Variants in PIGU observed in about 807,000 individuals in gnomAD.
PIGU encodes phosphatidylinositol glycan anchor biosynthesis class U, also known as GPI-anchor transamidase component PIGU.
Under a neutral mutation model 49.9 loss-of-function variants are expected in PIGU, and 24 were observed. The observed-to-expected ratio is 0.48, with a 90% CI of 0.35 to 0.68. The LOEUF (loss-of-function observed/expected upper bound fraction) is 0.68, where lower values mean the gene tolerates loss of function less well. Ranked by LOEUF, PIGU falls within the 30% of genes least tolerant of loss-of-function variation. The probability of loss-of-function intolerance (pLI) is 0.01; values close to 1 mark genes in which losing one functional copy is unlikely to be tolerated. For missense variants in PIGU, 490 were observed against 532.6 expected (o/e 0.92, Z 0.79); for synonymous variants, 220 against 205.7 (o/e 1.07, Z -0.59).
At chr20:34,659,096 C>T (rs866378505) in intron 1 of PIGU, among the ~76,000 whole-genome samples, 272 of 140,492 alleles carry the variant, frequency 1.9e-3, no homozygotes, top group African/African-American at 4.7e-3. Flanking sequence ...GCCCCCCACC[C>T]GGCCAGCCGC....
intron 10 of PIGU, 93 bp downstream of exon 10, chr20:34,581,455 T>C (rs1568624658): frequency 2.0e-6 from 3 of 1,491,464 alleles, no homozygotes; most frequent in Non-Finnish European, 2.7e-6. Flanking sequence ...GCATAACAGG[T>C]GCCTGGTAAA....
At chr20:34,650,700 C>CTCTTTTTTTTTTTTTTTTTT (rs1986509194) in intron 2 of PIGU, among the ~76,000 whole-genome samples, 1 of 38,778 alleles carries the variant, frequency 2.6e-5, no homozygotes, top group Non-Finnish European at 4.4e-5. Context: ...CTTTTTTTCT[C>CTCTTTTTTTTTTTTTTTTTT]TTTTTTTTTT....
At chr20:34,595,240 A>G (rs1354556136) in intron 7 of PIGU, among the ~76,000 whole-genome samples, 1 of 152,162 alleles carries the variant, frequency 6.6e-6, no homozygotes, top group Non-Finnish European at 1.5e-5. Flanking sequence ...ACATCTATGG[A>G]TTCAATCAAC....
At chr20:34,598,035 T>C (rs1984267547) in intron 7 of PIGU, among the ~76,000 whole-genome samples, 1 of 152,026 alleles carries the variant, frequency 6.6e-6, no homozygotes, top group Non-Finnish European at 1.5e-5. Context: ...TGAAACCCCA[T>C]CACTATATAT....
chr20:34,607,001 C>T (rs1984639430), intron 7 of PIGU, among the ~76,000 whole-genome samples: 1 of 152,208 alleles, frequency 6.6e-6, no homozygotes, highest in Non-Finnish European at 1.5e-5. Flanking sequence ...CCTCGTGATC[C>T]ACCCGCCTCG....
At chr20:34,661,569 A>G (rs943577758) in intron 1 of PIGU, among the ~76,000 whole-genome samples, 3 of 149,908 alleles carry the variant, frequency 2.0e-5, no homozygotes, top group Non-Finnish European at 4.4e-5. Flanking sequence ...TTAATGCTGC[A>G]TAGTGTTCCA....
At chr20:34,602,727 A>G (rs1166951433) in intron 7 of PIGU, among the ~76,000 whole-genome samples, 1 of 152,206 alleles carries the variant, frequency 6.6e-6, no homozygotes, top group African/African-American at 2.4e-5. Context: ...ATTACATAGA[A>G]TATAAAGCTT....
chr20:34,588,129 G>A (rs1456500505), intron 8 of PIGU, among the ~76,000 whole-genome samples: 1 of 152,116 alleles, frequency 6.6e-6, no homozygotes, highest in Non-Finnish European at 1.5e-5. Flanking sequence ...GTGCATGCCT[G>A]TAGTCCCAGC....
chr20:34,603,062 A>G (rs1234225022), intron 7 of PIGU, among the ~76,000 whole-genome samples: 1 of 150,074 alleles, frequency 6.7e-6, no homozygotes, highest in Non-Finnish European at 1.5e-5. Flanking sequence ...GTTACAATTC[A>G]TATGTTACAG....
intron 8 of PIGU, among the ~76,000 whole-genome samples, 198 bp downstream of exon 8, chr20:34,588,255 A>T (rs1184468059): frequency 2.0e-5 from 3 of 152,178 alleles, no homozygotes; most frequent in Non-Finnish European, 2.9e-5. Context: ...CTGTCTCAAA[A>T]AAAAAAGAAA....
At chr20:34,626,865 T>TC (rs1230092616) in intron 6 of PIGU, among the ~76,000 whole-genome samples, 1 of 152,154 alleles carries the variant, frequency 6.6e-6, no homozygotes. Context: ...TTGTGAATTT[T>TC]CTCAAATATT....
At chr20:34,578,075 C>T (rs1983311774) in intron 10 of PIGU, among the ~76,000 whole-genome samples, 1 of 152,130 alleles carries the variant, frequency 6.6e-6, no homozygotes, top group Non-Finnish European at 1.5e-5. Context: ...GGAAGAATGG[C>T]TGGTAGTTGA....
chr20:34,641,425 A>G (rs1986158422), intron 4 of PIGU, among the ~76,000 whole-genome samples: 2 of 152,194 alleles, frequency 1.3e-5, no homozygotes, highest in African/African-American at 4.8e-5. Context: ...ATCATCCATT[A>G]TCAAACCACC....
At chr20:34,577,114 A>G (rs1477171713) in intron 10 of PIGU, among the ~76,000 whole-genome samples, 1 of 152,154 alleles carries the variant, frequency 6.6e-6, no homozygotes, top group African/African-American at 2.4e-5. Flanking sequence ...CTTTATCTTT[A>G]TCATATTTTT....
chr20:34,561,894 G>A (rs996980909), intron 11 of PIGU, among the ~76,000 whole-genome samples: 2 of 152,064 alleles, frequency 1.3e-5, no homozygotes, highest in African/African-American at 2.4e-5. Context: ...ATCTCTACTC[G>A]ATAACAGACT....
In PIGU at chr20:34,585,476, T is replaced by C. The variant is rs764757469; in HGVS notation, c.887A>G (p.Asn296Ser). 18 of 1,614,102 alleles carry C rather than the reference T, an allele frequency of 1.1e-5. 1 individual carries two copies. In the South Asian group the frequency reaches 1.4e-4, roughly 13 times the overall value. Residue 296 changes from asparagine (N) to serine (S), a missense_variant, in exon 9 of 12, where the codon AAC becomes AGC. Coordinates refer to ENST00000217446, the MANE Select transcript of PIGU (RefSeq NM_080476.5). ...SLFFVCVFQI[N>S]VFFYTIPLAI... ...TAAGGGGATGGTGTAGAAGAAGACGTTGATCTGAAACACACATACAAAGAA... is the reference window on the plus strand; with the variant it reads ...TAAGGGGATGGTGTAGAAGAAGACGCTGATCTGAAACACACATACAAAGAA...
intron 7 of PIGU, among the ~76,000 whole-genome samples, chr20:34,603,004 A>G (rs114933178): frequency 0.013 from 1,919 of 149,930 alleles, 47 homozygotes; most frequent in African/African-American, 0.045. Flanking sequence ...TTAATTCATA[A>G]TTCCTCCACT....
chr20:34,581,799 T>C, intron 9 of PIGU, 127 bp from the exon 10 acceptor site: 1 of 1,254,146 alleles, frequency 8.0e-7, no homozygotes, highest in Non-Finnish European at 1.1e-6. Flanking sequence ...CTGGCTCTGC[T>C]ATCCACAAGG....
chr20:34,631,887 T>A (rs1259690144), intron 6 of PIGU, among the ~76,000 whole-genome samples: 1 of 144,376 alleles, frequency 6.9e-6, no homozygotes, highest in Non-Finnish European at 1.5e-5. Flanking sequence ...TTGCCCAGGC[T>A]ACAGTGCAGT....
Sources: gnomAD v4.1 joint callset for allele counts (sites outside exome capture counted in the v4.1 genomes callset) on GRCh38, gnomAD v4.1.1 for gene constraint, MANE v1.5 for transcripts, NCBI Gene and HGNC (gene_info 2026-07-23, HGNC 2026-07-21) for gene names.